The following IQCM variants were observed in gnomAD, a reference collection of about 807,000 sequenced individuals.
IQCM encodes IQ domain-containing protein M.
IQCM carries 45 observed loss-of-function variants against 57.6 expected under a neutral mutation model. That is an observed-to-expected ratio of 0.78 (90% CI 0.62 to 1.00). The LOEUF (loss-of-function observed/expected upper bound fraction) is 1.00, where lower values mean the gene tolerates loss of function less well. Ranked by LOEUF, IQCM falls within the 50% of genes least tolerant of loss-of-function variation. The probability of loss-of-function intolerance (pLI) is 0.00; values close to 1 mark genes in which losing one functional copy is unlikely to be tolerated. For missense variants in IQCM, 468 were observed against 511.6 expected, an observed-to-expected ratio of 0.91 and a Z score of 0.82; for synonymous variants, 148 against 158.9, an observed-to-expected ratio of 0.93 and a Z score of 0.51.
At chr4:149,422,319 T>C (rs949782161) in intron 13 of IQCM, among the ~76,000 whole-genome samples, 3 of 151,848 alleles carry the variant, frequency 2.0e-5, no homozygotes, top group African/African-American at 7.3e-5. Flanking sequence ...TCAAAAAAGG[T>C]TGGTACTCAA....
intron 7 of IQCM, among the ~76,000 whole-genome samples, chr4:149,642,603 T>G (rs1401653886): frequency 6.6e-6 from 1 of 152,134 alleles, no homozygotes; most frequent in Non-Finnish European, 1.5e-5. Context: ...ACAGGAAAAT[T>G]TGGAGCTCCT....
chr4:149,762,661 T>C (rs972449652), intron 2 of IQCM, among the ~76,000 whole-genome samples: 1 of 152,130 alleles, frequency 6.6e-6, no homozygotes, highest in Non-Finnish European at 1.5e-5. Context: ...AATTTCTTTG[T>C]TATTTAATAA....
At chr4:149,491,781 A>G (rs1742122259) in intron 12 of IQCM, among the ~76,000 whole-genome samples, 1 of 152,034 alleles carries the variant, frequency 6.6e-6, no homozygotes, top group Non-Finnish European at 1.5e-5. Flanking sequence ...CAGAAGTGAG[A>G]TTGCTGGATC....
intron 12 of IQCM, among the ~76,000 whole-genome samples, chr4:149,505,167 T>C (rs1418534877): frequency 6.6e-6 from 1 of 152,108 alleles, no homozygotes; most frequent in Non-Finnish European, 1.5e-5. Flanking sequence ...CATTATATTA[T>C]AATGGGAAAA....
intron 12 of IQCM, among the ~76,000 whole-genome samples, chr4:149,501,717 G>C (rs1444166867): frequency 6.6e-6 from 1 of 152,120 alleles, no homozygotes; most frequent in Non-Finnish European, 1.5e-5. Context: ...GGAAAAACCG[G>C]TAACTAACTT....
chr4:149,792,660 C>A (rs1772746735), intron 2 of IQCM, among the ~76,000 whole-genome samples: 1 of 152,056 alleles, frequency 6.6e-6, no homozygotes, highest in African/African-American at 2.4e-5. Context: ...TGTCTTTGGC[C>A]CATCTTCATT....
intron 5 of IQCM, among the ~76,000 whole-genome samples, chr4:149,722,900 T>A (rs895167749): frequency 6.6e-6 from 1 of 152,050 alleles, no homozygotes; most frequent in Non-Finnish European, 1.5e-5. Flanking sequence ...GTCATTTCCA[T>A]GACATTGTTT....
intron 2 of IQCM, among the ~76,000 whole-genome samples, chr4:149,764,130 C>T (rs1769804905): frequency 6.6e-6 from 1 of 152,094 alleles, no homozygotes; most frequent in African/African-American, 2.4e-5. Context: ...AAAACTGGTG[C>T]TTGGATATGC....
intron 7 of IQCM, among the ~76,000 whole-genome samples, chr4:149,650,187 G>GTAGGGTAGGCCCCTAAT (rs200254417): frequency 0.45 from 68,352 of 151,706 alleles, 15,639 homozygotes; most frequent in South Asian, 0.57. Flanking sequence ...TCATATTGGT[G>GTAGGGTAGGCCCCTAAT]CCAATACGTT....
At chr4:149,747,137 A>T (rs747119385) in intron 2 of IQCM, among the ~76,000 whole-genome samples, 1 of 152,106 alleles carries the variant, frequency 6.6e-6, no homozygotes, top group African/African-American at 2.4e-5. Flanking sequence ...TGACCAAATC[A>T]TCAGATCTGC....
intron 13 of IQCM, among the ~76,000 whole-genome samples, chr4:149,418,583 C>A (rs547316625): frequency 2.0e-5 from 3 of 152,256 alleles, no homozygotes; most frequent in African/African-American, 7.2e-5. Context: ...CTCCATAACT[C>A]ATTCTATGAG....
At chr4:149,795,355 A>C (rs1343815486) in intron 2 of IQCM, among the ~76,000 whole-genome samples, 1 of 152,100 alleles carries the variant, frequency 6.6e-6, no homozygotes, top group Non-Finnish European at 1.5e-5. Context: ...GGAAGACCAG[A>C]CCAAACTCAG....
intron 13 of IQCM, among the ~76,000 whole-genome samples, chr4:149,372,209 A>G (rs2110986183): frequency 6.6e-6 from 1 of 152,246 alleles, no homozygotes; most frequent in African/African-American, 2.4e-5. Context: ...AGATAAATAT[A>G]TTTCAATTAT....
intron 2 of IQCM, among the ~76,000 whole-genome samples, chr4:149,785,244 C>A (rs1771971621): frequency 6.6e-6 from 1 of 152,158 alleles, no homozygotes; most frequent in Non-Finnish European, 1.5e-5. Flanking sequence ...GAGAGTGTGA[C>A]CTTAGAATTT....
chr4:149,491,736 T>A (rs1320698363), intron 12 of IQCM, among the ~76,000 whole-genome samples: 1 of 152,132 alleles, frequency 6.6e-6, no homozygotes, highest in Non-Finnish European at 1.5e-5. Context: ...GATGTCTCTG[T>A]GACAAACTGA....
chr4:149,687,381 T>C (rs1166526668), intron 5 of IQCM, among the ~76,000 whole-genome samples: 1 of 151,246 alleles, frequency 6.6e-6, no homozygotes, highest in East Asian at 1.9e-4. Context: ...CAACCACAGA[T>C]TGACAATATT....
chr4:149,773,147 C>G (rs1034235808), intron 2 of IQCM, among the ~76,000 whole-genome samples: 2 of 152,108 alleles, frequency 1.3e-5, no homozygotes, highest in African/African-American at 4.8e-5. Flanking sequence ...GTCAGGAGAT[C>G]CAGACCATCC....
At chr4:149,571,115 C>T (rs911144977) in intron 9 of IQCM, among the ~76,000 whole-genome samples, 4 of 152,004 alleles carry the variant, frequency 2.6e-5, no homozygotes, top group African/African-American at 9.7e-5. Flanking sequence ...AAACAGAATA[C>T]CATTTAATCC....
chr4:149,460,261 T>A (rs543842835), intron 12 of IQCM, among the ~76,000 whole-genome samples: 9 of 152,304 alleles, frequency 5.9e-5, no homozygotes, highest in African/African-American at 1.4e-4. Flanking sequence ...ATTTTTGCCT[T>A]GGGTTGTTTT....
Sources: gnomAD v4.1 joint callset for allele counts (sites outside exome capture counted in the v4.1 genomes callset) on GRCh38, gnomAD v4.1.1 for gene constraint, MANE v1.5 for transcripts, NCBI Gene and HGNC (gene_info 2026-07-23, HGNC 2026-07-21) for gene names.